The following FAM193A variants were observed in gnomAD, a reference collection of about 807,000 sequenced individuals.
FAM193A encodes protein FAM193A.
Under a neutral mutation model 126.5 loss-of-function variants are expected in FAM193A, and 22 were observed. The observed-to-expected ratio is 0.17, with a 90% CI of 0.12 to 0.25. FAM193A has a LOEUF of 0.25. Ranked by LOEUF, FAM193A falls within the 10% of genes least tolerant of loss-of-function variation. FAM193A has a pLI of 1.00. For missense variants in FAM193A, 1,675 were observed against 1,672.8 expected (o/e 1.00, Z -0.02); for synonymous variants, 761 against 646.8 (o/e 1.18, Z -2.68).
intron 4 of FAM193A, among the ~76,000 whole-genome samples, chr4:2,629,394 A>T (rs1743325637): frequency 6.6e-6 from 1 of 152,196 alleles, no homozygotes. Context: ...TTGAAATGAC[A>T]GTTGTCATGC....
intron 1 of FAM193A, among the ~76,000 whole-genome samples, chr4:2,577,506 C>T (rs111520928): frequency 4.0e-5 from 6 of 149,842 alleles, no homozygotes; most frequent in Admixed American, 3.3e-4. Context: ...GCAACCTCTG[C>T]CTCCTGGGTT....
At chr4:2,676,675 G>T (rs145855651) in intron 13 of FAM193A, among the ~76,000 whole-genome samples, 1 of 152,278 alleles carries the variant, frequency 6.6e-6, no homozygotes, top group African/African-American at 2.4e-5. Flanking sequence ...AGGCACGGTG[G>T]CTCACGCCTG....
Position 2,590,466 on chromosome 4 carries a change from A to AAAAAAAAAAC in FAM193A, c.256-5578_256-5569dup, listed in dbSNP as rs752944212. Reference sequence around the variant, plus strand: ...GTGACAGAGCGAGACTCCATCTCAAAAAAAAAAAACAAAAAAAAACAAAAA... The same window carrying AAAAAAAAAAC: ...GTGACAGAGCGAGACTCCATCTCAAAAAAAAAAAACAAAAAAAAACAAAAAAAAACAAAAA... On this transcript the variant is annotated intron_variant, in intron 1 of 20. Coordinates refer to ENST00000637812, the MANE Select transcript of FAM193A (RefSeq NM_001366318.2). Among the ~76,000 whole-genome samples, 67 of 90,644 alleles carry AAAAAAAAAAC rather than the reference A, an allele frequency of 7.4e-4. 2 individuals carry two copies. Among genetic ancestry groups the AAAAAAAAAAC allele is most frequent in the Non-Finnish European group, 1.1e-3 (55 of 49,084 alleles). 59.5% of individuals were successfully genotyped at this position (90,644 alleles called of 152,430 possible).
intron 1 of FAM193A, among the ~76,000 whole-genome samples, chr4:2,570,839 C>T (rs2108858235): frequency 6.6e-6 from 1 of 152,324 alleles, no homozygotes; most frequent in South Asian, 2.1e-4. Context: ...GCAAGTCTCA[C>T]TCACAGATGG....
intron 1 of FAM193A, among the ~76,000 whole-genome samples, chr4:2,558,283 AAAAAG>A (rs1738387504): frequency 6.6e-6 from 1 of 152,136 alleles, no homozygotes; most frequent in Non-Finnish European, 1.5e-5. Flanking sequence ...GAAAAAAAAA[AAAAAG>A]GAAAGAAAAA....
intron 2 of FAM193A, chr4:2,608,134 T>C: frequency 1.9e-6 from 3 of 1,595,746 alleles, no homozygotes; most frequent in Non-Finnish European, 2.6e-6. Context: ...TGTAGATTGA[T>C]CTTAACCTGA....
chr4:2,731,327 C>G (rs1295396035), intron 20 of FAM193A, among the ~76,000 whole-genome samples: 4 of 151,508 alleles, frequency 2.6e-5, no homozygotes, highest in Non-Finnish European at 5.9e-5. Flanking sequence ...GAAACTGCCA[C>G]TGAACTCCAG....
intron 1 of FAM193A, among the ~76,000 whole-genome samples, chr4:2,556,191 C>A (rs149296366): frequency 6.6e-6 from 1 of 151,722 alleles, no homozygotes; most frequent in Non-Finnish European, 1.5e-5. Flanking sequence ...CCACTGTGCC[C>A]GGCCAGTGAG....
chr4:2,679,307 G>T (rs59543318), intron 13 of FAM193A, among the ~76,000 whole-genome samples: 4,580 of 150,846 alleles, frequency 0.03, 251 homozygotes, highest in African/African-American at 0.1. Context: ...CTGAATTCAG[G>T]TTGCTAGTAT....
chr4:2,689,075 G>A (rs1471558565), intron 13 of FAM193A, among the ~76,000 whole-genome samples: 2 of 152,240 alleles, frequency 1.3e-5, no homozygotes, highest in African/African-American at 4.8e-5. Flanking sequence ...TACCTTGCCT[G>A]GGTATAAGAG....
Position 2,693,671 on chromosome 4 carries a change from C to A in FAM193A, c.2889C>A (p.Pro963=), listed in dbSNP as rs557844762. ...APRNSPTGLA[P]LPALSPAALS... Reference sequence around the variant, plus strand: ...GGAATAGCCCCACGGGCTTGGCCCCCCTCCCAGCGCTCTCGCCTGCTGCGC... The same window carrying A: ...GGAATAGCCCCACGGGCTTGGCCCCACTCCCAGCGCTCTCGCCTGCTGCGC... The change falls in exon 16 of 21, where the codon CCC becomes CCA. Residue 963 remains proline, a synonymous_variant. Coordinates refer to ENST00000637812, the MANE Select transcript of FAM193A (RefSeq NM_001366318.2). 1.9e-6 allele frequency: 3 copies of A among 1,614,162 alleles called. No individual in the cohort carries two copies. Among genetic ancestry groups the A allele is most frequent in the East Asian group, 2.2e-5 (1 of 44,874 alleles).
chr4:2,563,480 G>A (rs1738750100), intron 1 of FAM193A, among the ~76,000 whole-genome samples: 2 of 151,620 alleles, frequency 1.3e-5, no homozygotes, highest in South Asian at 2.1e-4. Flanking sequence ...CGAGGTGGGA[G>A]GATTGCTTGA....
intron 1 of FAM193A, among the ~76,000 whole-genome samples, chr4:2,577,852 T>G (rs779495547): frequency 6.6e-6 from 1 of 152,230 alleles, no homozygotes; most frequent in Non-Finnish European, 1.5e-5. Context: ...CAATTAGAGC[T>G]ATGAACTTTA....
At chr4:2,558,580 T>C (rs919223212) in intron 1 of FAM193A, among the ~76,000 whole-genome samples, 1 of 152,144 alleles carries the variant, frequency 6.6e-6, no homozygotes, top group African/African-American at 2.4e-5. Flanking sequence ...TGAGATCTTG[T>C]ATGTTGCCTA....
intron 1 of FAM193A, among the ~76,000 whole-genome samples, chr4:2,579,492 G>A (rs1041205080): frequency 2.6e-5 from 4 of 152,142 alleles, no homozygotes; most frequent in Middle Eastern, 3.4e-3. Context: ...AAACCCAGGC[G>A]TTGGAGACCA....
At chr4:2,709,666 G>A (rs1187153679) in intron 19 of FAM193A, among the ~76,000 whole-genome samples, 4 of 152,054 alleles carry the variant, frequency 2.6e-5, no homozygotes, top group African/African-American at 4.8e-5. Flanking sequence ...CCGAGAACAC[G>A]CCACTGCACT....
At chr4:2,620,951 C>T (rs918754908) in intron 2 of FAM193A, among the ~76,000 whole-genome samples, 11 of 151,318 alleles carry the variant, frequency 7.3e-5, no homozygotes, top group African/African-American at 2.2e-4. Context: ...CAGCCACTAA[C>T]GGGAGCTTAG....
intron 5 of FAM193A, among the ~76,000 whole-genome samples, chr4:2,632,075 T>C (rs1743646338): frequency 6.6e-6 from 1 of 152,136 alleles, no homozygotes; most frequent in Non-Finnish European, 1.5e-5. Flanking sequence ...AGGGGCCACA[T>C]CTGGTGAGAG....
intron 6 of FAM193A, among the ~76,000 whole-genome samples, chr4:2,645,034 ATGTGTGTG>A (rs3221482): frequency 7.0e-4 from 105 of 149,490 alleles, no homozygotes; most frequent in Non-Finnish European, 1.2e-3. Context: ...ATATACATGA[ATGTGTGTG>A]TGTGTGTGTG....
Sources: gnomAD v4.1 joint callset for allele counts (sites outside exome capture counted in the v4.1 genomes callset) on GRCh38, gnomAD v4.1.1 for gene constraint, MANE v1.5 for transcripts, NCBI Gene and HGNC (gene_info 2026-07-23, HGNC 2026-07-21) for gene names.